SCAMP3: variants seen among roughly 807,000 people sequenced by gnomAD.
SCAMP3 encodes the protein secretory carrier membrane protein 3.
A neutral mutation model predicts 44.1 loss-of-function variants in SCAMP3; 30 were observed. That is an observed-to-expected ratio of 0.68 (90% CI 0.51 to 0.92). The LOEUF (loss-of-function observed/expected upper bound fraction) is 0.92, where lower values mean the gene tolerates loss of function less well. SCAMP3 is among the 40% of genes least tolerant of loss of function. The pLI, the probability that SCAMP3 is intolerant of heterozygous loss-of-function variation, is 0.00. For missense variants in SCAMP3, 394 were observed against 440.0 expected (o/e 0.90, Z 0.93); for synonymous variants, 168 against 171.1 (o/e 0.98, Z 0.14).
At chr1:155,258,257 G>A (rs561069046) in intron 5 of SCAMP3, among the ~76,000 whole-genome samples, 2 of 142,888 alleles carry the variant, frequency 1.4e-5, no homozygotes, top group South Asian at 2.3e-4. Flanking sequence ...CTAACCTCAT[G>A]TTCTGCCCAC....
At position 155,260,588 on chromosome 1, in the gene SCAMP3, C is replaced by T. The variant is rs1193579509; in HGVS notation, c.216G>A (p.Ser72=). ...TAGGTTCTGTGGGGCTGAGCTTTCT[C>T]GAGGGCTGCAAGGAGGGAGCTGAGG... is the stretch of plus-strand genomic sequence containing the variant. The part of the protein sequence containing the change: ...PPPSAPSLQP[S]RKLSPTEPKN... The change falls in exon 3 of 9, where the codon TCG becomes TCA. Residue 72 remains serine (S), a synonymous_variant. Transcript: ENST00000302631. 17 of 1,614,140 alleles carry T rather than the reference C, an allele frequency of 1.1e-5. No individual in the cohort carries two copies. Among genetic ancestry groups the T allele is most frequent in the South Asian group, 9.9e-5 (9 of 91,084 alleles).
intron 1 of SCAMP3, 101 bp downstream of exon 1, chr1:155,261,985 C>A: frequency 7.9e-7 from 1 of 1,260,432 alleles, no homozygotes. Context: ...CGGCTCTTCC[C>A]AGGATCAAAT....
chr1:155,256,636 T>G, intron 8 of SCAMP3, 38 bp downstream of exon 8: 1 of 1,567,838 alleles, frequency 6.4e-7, no homozygotes, highest in Non-Finnish European at 8.8e-7. Context: ...GGACCCATGA[T>G]CTCACCATCC....
chr1:155,256,566 G>A (rs1672803579), intron 8 of SCAMP3, 108 bp downstream of exon 8: 3 of 1,365,894 alleles, frequency 2.2e-6, no homozygotes, highest in Non-Finnish European at 3.1e-6. Flanking sequence ...CATTAGCTGA[G>A]AACAACCCAG....
chr1:155,262,075 G>C lies in SCAMP3; in HGVS notation c.66+11C>G. Reference sequence around the variant, plus strand: ...CTGACCGCCCAAAAGAGGCCGACTGGCGCAAGTCACCTGAAAGGGGTTGTC... The same window carrying C: ...CTGACCGCCCAAAAGAGGCCGACTGCCGCAAGTCACCTGAAAGGGGTTGTC... On this transcript the variant is annotated intron_variant, in intron 1 of 8. Coordinates refer to ENST00000302631, the MANE Select transcript of SCAMP3 (RefSeq NM_005698.4). 6.2e-7 allele frequency: 1 copy of C among 1,613,626 alleles called. No individual in the cohort carries two copies. Among genetic ancestry groups the C allele is most frequent in the Non-Finnish European group, 8.5e-7 (1 of 1,179,584 alleles).
In SCAMP3 at chr1:155,256,260, T is replaced by A; in HGVS notation, c.*13A>T. On this transcript the variant is annotated 3_prime_UTR_variant, in exon 9 of 9. Coordinates refer to ENST00000302631, the MANE Select transcript of SCAMP3 (RefSeq NM_005698.4). ...TCCCTCAAGTAGCAGGGCCAGGGCA[T>A]CCCAGTCAGGGGTCACGGGGCCCGG... is the stretch of plus-strand genomic sequence containing the variant. The A allele has an allele frequency of 6.5e-7, 1 of 1,550,304 alleles. No individual in the cohort carries two copies.
intron 7 of SCAMP3, 113 bp downstream of exon 7, chr1:155,257,172 G>T: frequency 1.4e-6 from 1 of 708,698 alleles, no homozygotes; most frequent in Non-Finnish European, 2.5e-6. Context: ...CATTAAACTA[G>T]TACCTCCCAA....
intron 5 of SCAMP3, 118 bp from the exon 6 acceptor site, chr1:155,257,775 T>A (rs1553222910): frequency 2.6e-5 from 24 of 926,506 alleles, no homozygotes; most frequent in Non-Finnish European, 3.4e-5. Context: ...TGAAGGCAGC[T>A]GCTGCCTTCA....
chr1:155,256,516 GCACACACACT>G, intron 8 of SCAMP3, 97 bp from the exon 9 acceptor site: 1 of 1,447,022 alleles, frequency 6.9e-7, no homozygotes, highest in Non-Finnish European at 9.6e-7. Flanking sequence ...CTGCTGCCCA[GCACACACACT>G]CACACACAGA....
chr1:155,260,576 G>A lies in SCAMP3; in HGVS notation c.228C>T (p.Ser76=), dbSNP rs1263400479. The A allele has an allele frequency of 6.2e-7, 1 of 1,614,196 alleles. No individual in the cohort carries two copies. The highest frequency in any genetic ancestry group is 1.1e-5 in the South Asian group (1 of 91,078). ...AGCCATAGTTCTTAGGTTCTGTGGG[G>A]CTGAGCTTTCTCGAGGGCTGCAAGG... is the stretch of plus-strand genomic sequence containing the variant. ...APSLQPSRKL[S]PTEPKNYGSY... Residue 76 remains serine, a synonymous_variant, in exon 3 of 9, where the codon AGC becomes AGT. Coordinates refer to ENST00000302631, the MANE Select transcript of SCAMP3 (RefSeq NM_005698.4).
chr1:155,257,155 T>C (rs1484382214), intron 7 of SCAMP3, 130 bp downstream of exon 7: 1 of 661,620 alleles, frequency 1.5e-6, no homozygotes, highest in Non-Finnish European at 2.7e-6. Flanking sequence ...AAGTATGTCT[T>C]GTATCTCATT....
rs1317319692 is a variant in SCAMP3 at position 155,260,455 on chromosome 1, C to A, written c.268-5G>T. The A allele has an allele frequency of 6.2e-7, 1 of 1,614,150 alleles. No individual in the cohort carries two copies. Among genetic ancestry groups the A allele is most frequent in the South Asian group, 1.1e-5 (1 of 91,080 alleles). ...TGTGGCTGCTGCAGCTGAGGCCTGC[C>A]CAGTGTGAGCAGACGGAGATGTGAG... is the stretch of plus-strand genomic sequence containing the variant. On this transcript the variant is annotated splice_region_variant and splice_polypyrimidine_tract_variant and intron_variant, in intron 3 of 8. Coordinates refer to ENST00000302631, the MANE Select transcript of SCAMP3 (RefSeq NM_005698.4).
chr1:155,256,918 G>A lies in SCAMP3; in HGVS notation c.780-127C>T, dbSNP rs147217632. ...CCCTGTCAATCGAGCAGCATTCCAAGCACCACAATCCCAAACTGTATCTAA... is the reference window on the plus strand; with the variant it reads ...CCCTGTCAATCGAGCAGCATTCCAAACACCACAATCCCAAACTGTATCTAA... On this transcript the variant is annotated intron_variant, in intron 7 of 8. Coordinates refer to ENST00000302631, the MANE Select transcript of SCAMP3 (RefSeq NM_005698.4). The A allele has an allele frequency of 1.0e-4, 72 of 697,536 alleles. No homozygotes were observed. In the African/African-American group the frequency reaches 1.1e-3, roughly 10 times the overall value. 43.2% of individuals were successfully genotyped at this position (697,536 alleles called of 1,614,324 possible).
In SCAMP3 at chr1:155,256,759, C is replaced by T. The variant is rs530769583; in HGVS notation, c.812G>A (p.Gly271Asp). Residue 271 changes from glycine (G) to aspartate (D), a missense_variant, in exon 8 of 9, where the codon GGC (glycine) becomes GAC (aspartate). By Grantham distance (94) the Gly-to-Asp change is moderately conservative (BLOSUM62 -1). Transcript: ENST00000302631. Reference protein sequence around the residue: ...GWISALVVPKGNTAVSVLMLL... With the variant: ...GWISALVVPKDNTAVSVLMLL... ...CATGAGCACGGATACTGCTGTGTTG[C>T]CCTTCGGCACCACCAGAGCAGAGAT... is the stretch of plus-strand genomic sequence containing the variant. 4.3e-6 allele frequency: 7 copies of T among 1,614,172 alleles called. No homozygotes were observed. The Admixed American group carries it at 1.2e-4, about 27-fold the overall frequency.
chr1:155,258,318 C>CTTTTTTTTTTTTTTTTTTTTTTTTTT (rs71996352), intron 5 of SCAMP3, among the ~76,000 whole-genome samples: 1 of 86,508 alleles, frequency 1.2e-5, no homozygotes, highest in African/African-American at 3.6e-5. Context: ...CGTGCCCGGC[C>CTTTTTTTTTTTTTTTTTTTTTTTTTT]TTTTTTTTTT....
chr1:155,257,435 A>C (rs1179053125), intron 6 of SCAMP3, 49 bp from the exon 7 acceptor site: 16 of 1,607,352 alleles, frequency 1.0e-5, no homozygotes, highest in Non-Finnish European at 1.0e-5. Flanking sequence ...TTAGAGCTGA[A>C]GGATGGGCAG....
chr1:155,256,748 C>CTGCTGTG lies in SCAMP3; in HGVS notation c.816_822dup (p.Val275HisfsTer69). 7 of 1,614,222 alleles carry CTGCTGTG rather than the reference C, an allele frequency of 4.3e-6. No individual in the cohort carries two copies. The highest frequency in any genetic ancestry group is 5.9e-6 in the Non-Finnish European group (7 of 1,180,030). ...GCGACCAGCAGCATGAGCACGGATA[C>CTGCTGTG]TGCTGTGTTGCCCTTCGGCACCACC... On this transcript the variant is annotated frameshift_variant, in exon 8 of 9. Coordinates refer to ENST00000302631, the MANE Select transcript of SCAMP3 (RefSeq NM_005698.4). LOFTEE classifies it high-confidence loss of function.
chr1:155,258,889 T>A lies in SCAMP3; in HGVS notation c.454A>T (p.Ile152Phe), dbSNP rs756445825. ...CPVQPCFFQD[I>F]SMEIPQEFQK... ...AATTCTTGGGGGATCTCCATGGAGA[T>A]GTCCTGGAAAAAGCAGGGCTGAACT... Residue 152 changes from isoleucine to phenylalanine, a missense_variant, in exon 5 of 9, where the codon ATC (isoleucine) becomes TTC (phenylalanine). By Grantham distance (21) the Ile-to-Phe change is conservative (BLOSUM62 0). Transcript: ENST00000302631. 3.1e-6 allele frequency: 5 copies of A among 1,613,328 alleles called. No individual in the cohort carries two copies. In the South Asian group the frequency reaches 5.5e-5, roughly 18 times the overall value.
chr1:155,260,805 TTC>T (rs1672939105), intron 2 of SCAMP3, 146 bp from the exon 3 acceptor site: 2 of 720,962 alleles, frequency 2.8e-6, no homozygotes, highest in Non-Finnish European at 4.5e-6. Context: ...TCTGTTGAAT[TTC>T]TGTCAGAGAA....
Sources: gnomAD v4.1 joint callset for allele counts (sites outside exome capture counted in the v4.1 genomes callset) on GRCh38, gnomAD v4.1.1 for gene constraint, MANE v1.5 for transcripts, NCBI Gene and HGNC (gene_info 2026-07-23, HGNC 2026-07-21) for gene names.